GRIP1: variants seen among roughly 807,000 people sequenced by gnomAD.
GRIP1 encodes glutamate receptor interacting protein 1.
In GRIP1, 45 loss-of-function variants were observed where a neutral mutation model predicts 129.9. That is an observed-to-expected ratio of 0.35 (90% CI 0.27 to 0.44). The LOEUF is 0.44. Among genes scored for constraint, GRIP1 ranks in the 20% least tolerant of loss-of-function variants. The pLI is 1.00. For missense variants in GRIP1, 1,196 were observed against 1,396.8 expected (o/e 0.86, Z 2.29); for synonymous variants, 530 against 520.8 (o/e 1.02, Z -0.24).
chr12:66,478,652 G>T (rs1166850490), intron 7 of GRIP1, among the ~76,000 whole-genome samples: 1 of 152,104 alleles, frequency 6.6e-6, no homozygotes, highest in Non-Finnish European at 1.5e-5. Flanking sequence ...TGATAGACTG[G>T]ATTAAGAAAA....
intron 1 of GRIP1, among the ~76,000 whole-genome samples, chr12:66,927,895 G>T (rs1382007591): frequency 6.6e-6 from 1 of 152,180 alleles, no homozygotes; most frequent in African/African-American, 2.4e-5. Context: ...ACCTATGTTA[G>T]TCAGACTGAA....
chr12:66,940,036 C>G (rs2041558395), intron 1 of GRIP1, among the ~76,000 whole-genome samples: 2 of 151,806 alleles, frequency 1.3e-5, no homozygotes, highest in Admixed American at 1.3e-4. Context: ...TAATATGAAA[C>G]AGCAAAATCT....
At chr12:66,379,462 T>C (rs974426825) in intron 19 of GRIP1, 26 bp from the exon 20 acceptor site, 19 of 1,612,194 alleles carry the variant, frequency 1.2e-5, no homozygotes, top group African/African-American at 9.3e-5. Flanking sequence ...GGTGTTAGCA[T>C]TGGGCCCAAG....
At chr12:67,038,984 C>T (rs997015982) in intron 1 of GRIP1, among the ~76,000 whole-genome samples, 1 of 151,186 alleles carries the variant, frequency 6.6e-6, no homozygotes, top group Non-Finnish European at 1.5e-5. Flanking sequence ...ATTCCCAAAT[C>T]CCTATATGTA....
At chr12:66,544,836 C>A (rs1342596873) in intron 2 of GRIP1, among the ~76,000 whole-genome samples, 1 of 152,032 alleles carries the variant, frequency 6.6e-6, no homozygotes, top group African/African-American at 2.4e-5. Context: ...TCATTTAATA[C>A]CCTTTTTGGT....
At chr12:66,994,515 A>C (rs1469891179) in intron 1 of GRIP1, among the ~76,000 whole-genome samples, 2 of 151,902 alleles carry the variant, frequency 1.3e-5, no homozygotes, top group Non-Finnish European at 2.9e-5. Context: ...TCTATGAAAA[A>C]CTCATAGCTA....
chr12:67,043,755 C>T (rs1160124870), intron 1 of GRIP1, among the ~76,000 whole-genome samples: 1 of 152,136 alleles, frequency 6.6e-6, no homozygotes, highest in Non-Finnish European at 1.5e-5. Context: ...TTTATAAACT[C>T]ACTAACACAT....
intron 2 of GRIP1, among the ~76,000 whole-genome samples, chr12:66,542,183 C>CAATA (rs34005235): frequency 0.69 from 104,158 of 151,642 alleles, 36,223 homozygotes; most frequent in African/African-American, 0.81. Flanking sequence ...TCCAGGTTGA[C>CAATA]AATAGTCCAA....
intron 1 of GRIP1, among the ~76,000 whole-genome samples, chr12:66,848,111 G>A (rs2137070044): frequency 6.6e-6 from 1 of 151,970 alleles, no homozygotes; most frequent in South Asian, 2.1e-4. Context: ...ATCAATAGTG[G>A]GCTTTGTAGA....
intron 1 of GRIP1, among the ~76,000 whole-genome samples, chr12:66,627,543 T>C (rs11176336): frequency 0.2 from 30,131 of 152,180 alleles, 3,104 homozygotes; most frequent in Non-Finnish European, 0.23. Context: ...AGTAATATTC[T>C]TGTCTAATTA....
chr12:67,067,304 A>G (rs2043646450), intron 1 of GRIP1, among the ~76,000 whole-genome samples: 1 of 152,108 alleles, frequency 6.6e-6, no homozygotes, highest in Non-Finnish European at 1.5e-5. Flanking sequence ...CCAAAAATCT[A>G]CCCACTTCAG....
Position 66,445,310 on chromosome 12 carries a change from A to G in GRIP1, c.1541+12T>C, listed in dbSNP as rs551492964. On this transcript the variant is annotated intron_variant, in intron 12 of 24. Transcript: ENST00000359742. ...AGAGCAGAAAATGATGCTGTGAAAG[A>G]AAGTGTCTCACCTCTCTGCTGGGCT... 21 of 1,610,162 alleles carry G rather than the reference A, an allele frequency of 1.3e-5. No individual in the cohort carries two copies. In the African/African-American group the frequency reaches 2.7e-4, roughly 20 times the overall value.
At chr12:66,950,505 AAAAT>A (rs1438168247) in intron 1 of GRIP1, among the ~76,000 whole-genome samples, 1 of 151,704 alleles carries the variant, frequency 6.6e-6, no homozygotes, top group East Asian at 1.9e-4. Flanking sequence ...AATATTTTCT[AAAAT>A]AAATTTTTCA....
chr12:66,846,581 G>T (rs2039819928), intron 1 of GRIP1, among the ~76,000 whole-genome samples: 1 of 152,156 alleles, frequency 6.6e-6, no homozygotes, highest in African/African-American at 2.4e-5. Flanking sequence ...CGAAAAAATA[G>T]TTCATTTTGG....
At chr12:66,960,937 G>T (rs887737183) in intron 1 of GRIP1, among the ~76,000 whole-genome samples, 1 of 150,424 alleles carries the variant, frequency 6.6e-6, no homozygotes, top group Non-Finnish European at 1.5e-5. Flanking sequence ...TCAGTAGTCA[G>T]CTCCCTCCCC....
At chr12:66,586,010 C>T (rs11176286) in intron 2 of GRIP1, among the ~76,000 whole-genome samples, 37,389 of 152,036 alleles carry the variant, frequency 0.25, 4,734 homozygotes, top group Admixed American at 0.28. Flanking sequence ...CATCAGCACA[C>T]GAACATGCTG....
chr12:66,844,646 T>C (rs1173574171), intron 1 of GRIP1, among the ~76,000 whole-genome samples: 1 of 152,228 alleles, frequency 6.6e-6, no homozygotes, highest in Admixed American at 6.5e-5. Flanking sequence ...TAAAGAGATA[T>C]TTGTTCCCAT....
Position 66,539,145 on chromosome 12 carries a change from G to A in GRIP1, c.351C>T (p.Ile117=), listed in dbSNP as rs775601808. The change falls in exon 4 of 25, where the codon ATC becomes ATT. Residue 117 remains isoleucine, a synonymous_variant. Transcript: ENST00000359742. ...CTCCCACATTCTTCAGCAAGCTGATGATCTCGTCATGGCGGAATTTGGCCA... is the reference window on the plus strand; with the variant it reads ...CTCCCACATTCTTCAGCAAGCTGATAATCTCGTCATGGCGGAATTTGGCCA... The part of the protein sequence containing the change: ...INLAKFRHDE[I]ISLLKNVGER... The A allele has an allele frequency of 1.2e-6, 2 of 1,614,098 alleles. No homozygotes were observed. The highest frequency in any genetic ancestry group is 1.7e-6 in the Non-Finnish European group (2 of 1,179,978).
intron 19 of GRIP1, among the ~76,000 whole-genome samples, chr12:66,385,830 G>C (rs995332538): frequency 6.6e-6 from 1 of 152,046 alleles, no homozygotes; most frequent in Non-Finnish European, 1.5e-5. Flanking sequence ...GGCTGATTTC[G>C]AACTCCTGAC....
Sources: allele counts gnomAD v4.1 joint callset (sites outside exome capture counted in the v4.1 genomes callset), GRCh38; gene constraint gnomAD v4.1.1; transcripts MANE v1.5; gene names NCBI Gene and HGNC (gene_info 2026-07-23, HGNC 2026-07-21).